AMMECR1: variants seen among roughly 807,000 people sequenced by gnomAD.
AMMECR1 encodes AMMECR nuclear protein 1, also known as nuclear protein AMMECR1.
In AMMECR1, 3 loss-of-function variants were observed where a neutral mutation model predicts 22.5. The observed-to-expected ratio is 0.13, with a 90% CI of 0.06 to 0.35. The LOEUF is 0.35. AMMECR1 is among the 10% of genes least tolerant of loss of function. The pLI is 1.00. For synonymous variants in AMMECR1, 130 were observed against 116.7 expected, an observed-to-expected ratio of 1.11 and a Z score of -0.74; for missense variants, 235 against 278.7, an observed-to-expected ratio of 0.84 and a Z score of 1.12.
At position 110,273,815 on chromosome X, in the gene AMMECR1, T is replaced by C. The variant is rs140483539; in HGVS notation, c.474-9216A>G. ...GTATGTGGTTTTATATCCAGTTCAC[T>C]ATTGTGTTCCACTGATCTGTTTGTC... On this transcript the variant is annotated intron_variant, in intron 1 of 5. Transcript: ENST00000262844. Among the ~76,000 whole-genome samples the C allele has an allele frequency of 7.2e-3, 805 of 112,185 alleles. 7 individuals carry two copies. The highest frequency in any genetic ancestry group is 0.024 in the African/African-American group (748 of 30,887).
intron 2 of AMMECR1, among the ~76,000 whole-genome samples, chrX:110,414,243 A>G (rs961038577): frequency 8.9e-6 from 1 of 112,384 alleles, no homozygotes; most frequent in African/African-American, 3.2e-5. Context: ...TTCCAACCTC[A>G]GCGGGGCCCT....
At chrX:110,432,797 A>G (rs2068807563) in intron 1 of AMMECR1, among the ~76,000 whole-genome samples, 1 of 112,549 alleles carries the variant, frequency 8.9e-6, no homozygotes, top group Non-Finnish European at 1.9e-5. Context: ...TTTCCAAGTG[A>G]GTGAAGTCCC....
At chrX:110,339,473 C>G (rs998473846) in intron 2 of AMMECR1, among the ~76,000 whole-genome samples, 1 of 93,619 alleles carries the variant, frequency 1.1e-5, no homozygotes, top group Non-Finnish European at 2.1e-5. Context: ...TTTTATTTAA[C>G]TTATTTATTT....
At chrX:110,306,010 G>A (rs946121973) in intron 1 of AMMECR1, among the ~76,000 whole-genome samples, 1 of 108,505 alleles carries the variant, frequency 9.2e-6, no homozygotes, top group East Asian at 2.9e-4. Flanking sequence ...GGCGAGGCGC[G>A]GTGGCTCACG....
intron 2 of AMMECR1, among the ~76,000 whole-genome samples, chrX:110,331,879 T>C (rs1310895990): frequency 1.8e-5 from 2 of 111,866 alleles, no homozygotes; most frequent in African/African-American, 6.5e-5. Context: ...TTTTCACTTC[T>C]CTATTTTTAT....
At chrX:110,338,104 T>C (rs768955880) in intron 2 of AMMECR1, among the ~76,000 whole-genome samples, 4 of 111,950 alleles carry the variant, frequency 3.6e-5, no homozygotes, top group Non-Finnish European at 7.5e-5. Flanking sequence ...GCTACAGAGT[T>C]TCAGTTGTAC....
At chrX:110,439,509 AG>A (rs746138939) in intron 1 of AMMECR1, among the ~76,000 whole-genome samples, 8 of 112,333 alleles carry the variant, frequency 7.1e-5, no homozygotes, top group Non-Finnish European at 1.1e-4. Flanking sequence ...AGAAGCCAGC[AG>A]GGGCTGTGCT....
At chrX:110,418,943 C>T (rs1020801365) in intron 2 of AMMECR1, 2 of 109,583 alleles carry the variant, frequency 1.8e-5, no homozygotes, top group Non-Finnish European at 3.8e-5. Context: ...GGCCACTCGA[C>T]CCCACACTCT....
At chrX:110,422,881 A>G (rs1469526179) in intron 2 of AMMECR1, among the ~76,000 whole-genome samples, 1 of 112,291 alleles carries the variant, frequency 8.9e-6, no homozygotes, top group Non-Finnish European at 1.9e-5. Flanking sequence ...AGAGATAGAG[A>G]ATGCAGGAAT....
At chrX:110,249,793 G>A (rs975589786) in intron 2 of AMMECR1, among the ~76,000 whole-genome samples, 6 of 111,748 alleles carry the variant, frequency 5.4e-5, no homozygotes, top group Non-Finnish European at 7.5e-5. Flanking sequence ...CCAGCTACTT[G>A]GGAGGCTGAG....
chrX:110,308,213 T>C (rs1404364584), intron 1 of AMMECR1, among the ~76,000 whole-genome samples: 3 of 111,750 alleles, frequency 2.7e-5, no homozygotes, highest in Non-Finnish European at 5.6e-5. Flanking sequence ...CTGTGGCCAT[T>C]GATTCTAAAG....
chrX:110,344,699 C>T (rs373646505), intron 2 of AMMECR1, among the ~76,000 whole-genome samples: 2 of 111,611 alleles, frequency 1.8e-5, no homozygotes, highest in East Asian at 5.6e-4. Context: ...TGAACAGACA[C>T]TTCTCAAAAG....
rs1255601320 is a variant in AMMECR1, at chrX:110,197,407, A to G, written c.*1113T>C. On this transcript the variant is annotated 3_prime_UTR_variant, in exon 6 of 6. Transcript: ENST00000262844. ...TTAGATGGTAGCTAAAATGGATTCT[A>G]GCCAATCATGACTTATTGAAACCTA... 1 of 112,157 alleles carries G rather than the reference A, an allele frequency of 8.9e-6. No homozygotes were observed. Among genetic ancestry groups the G allele is most frequent in the Non-Finnish European group, 1.9e-5 (1 of 53,170 alleles). The allele number at this position is 112,157 out of a possible 1,213,427, so 9.2% of individuals were successfully genotyped here.
intron 1 of AMMECR1, among the ~76,000 whole-genome samples, chrX:110,280,658 C>A (rs2067847668): frequency 9.0e-6 from 1 of 111,420 alleles, no homozygotes; most frequent in Non-Finnish European, 1.9e-5. Context: ...CATACACAAT[C>A]TCACTACCCA....
chrX:110,399,217 C>A (rs1328465937), intron 2 of AMMECR1, among the ~76,000 whole-genome samples: 1 of 112,555 alleles, frequency 8.9e-6, no homozygotes, highest in East Asian at 2.8e-4. Flanking sequence ...ACTTTCTGTA[C>A]CTTACTTTTA....
chrX:110,276,599 C>A (rs1168634600), intron 1 of AMMECR1, among the ~76,000 whole-genome samples: 2 of 111,767 alleles, frequency 1.8e-5, no homozygotes, highest in Non-Finnish European at 3.8e-5. Context: ...CTTCTGGAGT[C>A]TCTCTGGAAT....
chrX:110,242,635 T>C (rs939769441), intron 2 of AMMECR1, among the ~76,000 whole-genome samples: 1 of 112,188 alleles, frequency 8.9e-6, no homozygotes, highest in Non-Finnish European at 1.9e-5. Flanking sequence ...ACTCTTTAAA[T>C]GAGAATTTTG....
chrX:110,256,572 T>C (rs1376510517), intron 2 of AMMECR1, among the ~76,000 whole-genome samples: 1 of 111,766 alleles, frequency 8.9e-6, no homozygotes, highest in Non-Finnish European at 1.9e-5. Flanking sequence ...AGAGAGAATG[T>C]AAGAAAAACT....
intron 3 of AMMECR1, among the ~76,000 whole-genome samples, chrX:110,208,147 T>TC (rs754195283): frequency 8.9e-6 from 1 of 112,471 alleles, no homozygotes; most frequent in African/African-American, 3.2e-5. Flanking sequence ...TATTTTAGGC[T>TC]GTTTTTATAC....
Sources: allele counts gnomAD v4.1 joint callset (sites outside exome capture counted in the v4.1 genomes callset), GRCh38; gene constraint gnomAD v4.1.1; transcripts MANE v1.5; gene names NCBI Gene and HGNC (gene_info 2026-07-23, HGNC 2026-07-21).